Variants in PIAS2 observed in about 807,000 individuals in gnomAD.
PIAS2 encodes E3 SUMO-protein ligase PIAS2.
In PIAS2, 19 loss-of-function variants were observed where a neutral mutation model predicts 69.7. That is an observed-to-expected ratio of 0.27 (90% CI 0.19 to 0.40). The LOEUF (loss-of-function observed/expected upper bound fraction) is 0.40, where lower values mean the gene tolerates loss of function less well. PIAS2 is among the 10% of genes least tolerant of loss of function. The pLI is 1.00. For missense variants in PIAS2, 624 were observed against 757.0 expected (o/e 0.82, Z 2.06); for synonymous variants, 261 against 263.2 (o/e 0.99, Z 0.08).
intron 9 of PIAS2, among the ~76,000 whole-genome samples, chr18:46,831,254 G>GC (rs571544786): frequency 3.9e-5 from 6 of 151,976 alleles, no homozygotes; most frequent in Non-Finnish European, 8.8e-5. Context: ...CTATATATTA[G>GC]CCATAATCAC....
At chr18:46,828,400 T>C (rs1369850635) in intron 10 of PIAS2, among the ~76,000 whole-genome samples, 1 of 152,194 alleles carries the variant, frequency 6.6e-6, no homozygotes, top group Non-Finnish European at 1.5e-5. Flanking sequence ...ATGCCTCCAA[T>C]ACCACTGAAG....
chr18:46,855,914 C>CCTAAGTT (rs1420567905), intron 3 of PIAS2, among the ~76,000 whole-genome samples: 1 of 151,694 alleles, frequency 6.6e-6, no homozygotes, highest in African/African-American at 2.4e-5. Flanking sequence ...AAGGAAGCAG[C>CCTAAGTT]CTAAGTTCGG....
At chr18:46,920,024 TAAGAA>T, upstream of PIAS2, 1 of 1,279,920 alleles carries the variant, frequency 7.8e-7, no homozygotes, top group Non-Finnish European at 1.0e-6. Context: ...CACAAAACAG[TAAGAA>T]AAGAAAAGCA....
chr18:46,897,437 T>C (rs1003171985), intron 1 of PIAS2, among the ~76,000 whole-genome samples: 3 of 152,114 alleles, frequency 2.0e-5, no homozygotes, highest in African/African-American at 7.2e-5. Context: ...ATGAGAAAAT[T>C]TGAGCATCAA....
intron 3 of PIAS2, among the ~76,000 whole-genome samples, chr18:46,857,565 A>C (rs1423688503): frequency 1.3e-5 from 2 of 152,214 alleles, no homozygotes; most frequent in African/African-American, 4.8e-5. Context: ...AAAAAAAGAA[A>C]GGACAGAGAT....
intron 2 of PIAS2, among the ~76,000 whole-genome samples, chr18:46,873,435 A>G (rs1349287738): frequency 1.3e-5 from 2 of 152,132 alleles, no homozygotes; most frequent in East Asian, 3.9e-4. Flanking sequence ...CTCTAGGGTA[A>G]TTGGGGGAAA....
intron 12 of PIAS2, chr18:46,816,954 T>G (rs642897): frequency 0.53 from 492,055 of 924,758 alleles, 131,650 homozygotes; most frequent in African/African-American, 0.57. Context: ...TCCTCTCCCT[T>G]CTTATGCCAA....
chr18:46,909,786 T>C (rs944343412), intron 1 of PIAS2, among the ~76,000 whole-genome samples: 1 of 152,202 alleles, frequency 6.6e-6, no homozygotes, highest in Admixed American at 6.5e-5. Context: ...AAGATTACAA[T>C]ATCAGTGCAG....
intron 2 of PIAS2, among the ~76,000 whole-genome samples, chr18:46,877,297 C>G (rs1437858407): frequency 6.6e-6 from 1 of 152,202 alleles, no homozygotes; most frequent in Non-Finnish European, 1.5e-5. Flanking sequence ...AAGAAGGGAA[C>G]TGTCAGATAT....
upstream of PIAS2, among the ~76,000 whole-genome samples, chr18:46,918,795 T>C (rs2058306083): frequency 6.6e-6 from 1 of 152,148 alleles, no homozygotes; most frequent in Non-Finnish European, 1.5e-5. Flanking sequence ...TCTTTGTTCC[T>C]AACTCCTGTT....
In PIAS2 at chr18:46,806,754, C is replaced by G. The variant is rs1049243140; in HGVS notation, c.*5679G>C. The G allele has an allele frequency of 2.0e-5, 3 of 152,170 alleles. No homozygotes were observed. Among genetic ancestry groups the G allele is most frequent in the Admixed American group, 6.5e-5 (1 of 15,276 alleles). 9.4% of individuals were successfully genotyped at this position (152,170 alleles called of 1,614,324 possible). On this transcript the variant is annotated 3_prime_UTR_variant, in exon 14 of 14. Transcript: ENST00000585916. ...ATTCCACGTGTACTTACAAAACACT[C>G]TAAACATTTATTAAACAGTTTGATG...
chr18:46,886,749 A>T (rs540252458), intron 2 of PIAS2, among the ~76,000 whole-genome samples: 2 of 152,210 alleles, frequency 1.3e-5, no homozygotes, highest in African/African-American at 4.8e-5. Flanking sequence ...AGAGAGGAGA[A>T]CTGCTTGAAC....
Position 46,836,444 on chromosome 18 carries a change from A to C in PIAS2, c.1115T>G (p.Leu372Arg), listed in dbSNP as rs2044445549. 6.2e-7 allele frequency: 1 copy of C among 1,613,752 alleles called. No homozygotes were observed. The highest frequency in any genetic ancestry group is 1.3e-5 in the African/African-American group (1 of 74,906). ...CTTTTTCTCATTCATTTGTAGATAG[A>C]GGGCAGCATCAAAACACTGCAGATG... ...CTHLQCFDAA[L>R]YLQMNEKKPT... is the part of the protein sequence containing the mutation. Residue 372 changes from leucine (L) to arginine (R), a missense_variant, in exon 9 of 14, where the codon CTC (leucine) becomes CGC (arginine). Physicochemically the swap from Leu to Arg is moderately radical, Grantham distance 102 (BLOSUM62 -2). Coordinates refer to ENST00000585916, the MANE Select transcript of PIAS2 (RefSeq NM_004671.5).
At chr18:46,895,399 G>A (rs1035068688) in intron 1 of PIAS2, among the ~76,000 whole-genome samples, 11 of 152,066 alleles carry the variant, frequency 7.2e-5, no homozygotes, top group East Asian at 5.8e-4. Flanking sequence ...GGACGGACAC[G>A]GTGGCTCACA....
chr18:46,876,982 G>A (rs1412976094), intron 2 of PIAS2, among the ~76,000 whole-genome samples: 4 of 152,174 alleles, frequency 2.6e-5, no homozygotes, highest in African/African-American at 7.2e-5. Context: ...TTACAGGCGT[G>A]AGCCACAGTG....
chr18:46,908,857 A>G (rs1362214345), intron 1 of PIAS2, among the ~76,000 whole-genome samples: 1 of 152,134 alleles, frequency 6.6e-6, no homozygotes, highest in African/African-American at 2.4e-5. Context: ...AAAAATACAA[A>G]TATTAGCCAG....
chr18:46,861,754 A>C (rs964839822), intron 3 of PIAS2, among the ~76,000 whole-genome samples: 2 of 152,198 alleles, frequency 1.3e-5, no homozygotes, highest in African/African-American at 4.8e-5. Flanking sequence ...AAGACAAAAA[A>C]CAAACAAACA....
In PIAS2 at chr18:46,806,588, TCA is replaced by T. The variant is rs1311425902; in HGVS notation, c.*5843_*5844del. 6.6e-6 allele frequency: 1 copy of T among 152,100 alleles called. No individual in the cohort carries two copies. Among genetic ancestry groups the T allele is most frequent in the Non-Finnish European group, 1.5e-5 (1 of 68,024 alleles). The allele number at this position is 152,100 out of a possible 1,614,324, so 9.4% of individuals were successfully genotyped here. A position where few individuals can be genotyped will look rare whatever the true frequency, so the allele number is the denominator to read the frequency against. On this transcript the variant is annotated 3_prime_UTR_variant, in exon 14 of 14. Coordinates refer to ENST00000585916, the MANE Select transcript of PIAS2 (RefSeq NM_004671.5). ...CCAGGCTGGTCTCAAACTCCTGGCC[TCA>T]AGTGATTTGCCTGCCTTGGCTTCCC...
chr18:46,867,880 C>G (rs2049734732), intron 2 of PIAS2, among the ~76,000 whole-genome samples: 1 of 152,150 alleles, frequency 6.6e-6, no homozygotes, highest in Non-Finnish European at 1.5e-5. Flanking sequence ...CATAAAAATA[C>G]CACACACATC....
Sources: gnomAD v4.1 joint callset for allele counts (sites outside exome capture counted in the v4.1 genomes callset) on GRCh38, gnomAD v4.1.1 for gene constraint, MANE v1.5 for transcripts, NCBI Gene and HGNC (gene_info 2026-07-23, HGNC 2026-07-21) for gene names.